DTNA: variants seen among roughly 807,000 people sequenced by gnomAD.
The protein encoded by DTNA is dystrobrevin alpha.
A neutral mutation model predicts 100.7 loss-of-function variants in DTNA; 43 were observed. That is an observed-to-expected ratio of 0.43 (90% CI 0.33 to 0.55). The LOEUF (loss-of-function observed/expected upper bound fraction) is 0.55, where lower values mean the gene tolerates loss of function less well. Among genes scored for constraint, DTNA ranks in the 20% least tolerant of loss-of-function variants. The pLI is 0.04. For synonymous variants in DTNA, 349 were observed against 347.9 expected (o/e 1.00, Z -0.04); for missense variants, 798 against 953.9 (o/e 0.84, Z 2.15).
chr18:34,714,338 C>T (rs1360939398), intron 1 of DTNA, among the ~76,000 whole-genome samples: 2 of 146,932 alleles, frequency 1.4e-5, no homozygotes, highest in African/African-American at 5.1e-5. Context: ...ACTCATCTGA[C>T]AAAGGGCTAA....
At chr18:34,682,808 C>T (rs187501042) in intron 1 of DTNA, among the ~76,000 whole-genome samples, 1 of 151,994 alleles carries the variant, frequency 6.6e-6, no homozygotes, top group African/African-American at 2.4e-5. Context: ...CTTCGCTTGT[C>T]ATTCTCTTCA....
intron 6 of DTNA, 61 bp downstream of exon 6, chr18:34,812,174 A>G (rs2095498642): frequency 3.1e-6 from 5 of 1,607,592 alleles, no homozygotes; most frequent in East Asian, 4.5e-5. Flanking sequence ...CTCCTTCTAG[A>G]TGTCATTCCA....
At chr18:34,531,771 A>C (rs2043165162) in intron 1 of DTNA, among the ~76,000 whole-genome samples, 1 of 152,128 alleles carries the variant, frequency 6.6e-6, no homozygotes, top group Admixed American at 6.6e-5. Context: ...TTTTGGTTTC[A>C]AAACAATTTT....
At chr18:34,812,197 T>A in intron 6 of DTNA, 84 bp downstream of exon 6, 2 of 1,579,926 alleles carry the variant, frequency 1.3e-6, no homozygotes, top group Non-Finnish European at 1.7e-6. Flanking sequence ...TCACAGATAC[T>A]CAGACAAATT....
intron 1 of DTNA, among the ~76,000 whole-genome samples, chr18:34,567,376 T>A (rs1008710341): frequency 6.6e-6 from 1 of 152,214 alleles, no homozygotes; most frequent in African/African-American, 2.4e-5. Flanking sequence ...AAATAAATGA[T>A]GTTATTTAAA....
chr18:34,706,091 G>A (rs2082077333), upstream of DTNA, among the ~76,000 whole-genome samples: 1 of 152,124 alleles, frequency 6.6e-6, no homozygotes, highest in Admixed American at 6.5e-5. Flanking sequence ...GGGATTACAG[G>A]CAATACGCCA....
intron 1 of DTNA, among the ~76,000 whole-genome samples, chr18:34,719,242 G>T (rs1191712528): frequency 1.3e-5 from 2 of 152,102 alleles, no homozygotes; most frequent in East Asian, 1.9e-4. Flanking sequence ...TACTCAGGAG[G>T]CTGAGGCAGG....
At position 34,889,780 on chromosome 18, in the gene DTNA, T is replaced by C; in HGVS notation, c.*2046T>C. On this transcript the variant is annotated 3_prime_UTR_variant, in exon 23 of 23. Transcript: ENST00000444659. ...CTCCAGAGAACTCACCTGACAAATG[T>C]CTCTGAGCACAGGCTGACACCAAAG... is the stretch of plus-strand genomic sequence containing the variant. 1.0e-6 allele frequency: 1 copy of C among 986,954 alleles called. No homozygotes were observed. Among genetic ancestry groups the C allele is most frequent in the Non-Finnish European group, 1.2e-6 (1 of 830,728 alleles). 61.1% of individuals were successfully genotyped at this position (986,954 alleles called of 1,614,324 possible).
chr18:34,495,450 A>C (rs1188023392), intron 1 of DTNA, among the ~76,000 whole-genome samples: 2 of 152,190 alleles, frequency 1.3e-5, no homozygotes, highest in Non-Finnish European at 2.9e-5. Flanking sequence ...CTAAAGCTAT[A>C]TGTTTGTTTG....
At chr18:34,857,885 C>CA (rs1229025740) in intron 15 of DTNA, among the ~76,000 whole-genome samples, 2 of 152,168 alleles carry the variant, frequency 1.3e-5, no homozygotes, top group African/African-American at 2.4e-5. Context: ...TTTACGGTGT[C>CA]AGAGTGTGAT....
chr18:34,551,221 C>T (rs976633122), intron 1 of DTNA, among the ~76,000 whole-genome samples: 4 of 152,138 alleles, frequency 2.6e-5, no homozygotes, highest in Non-Finnish European at 5.9e-5. Context: ...ATTTCCCACT[C>T]AAACTCTTAC....
At chr18:34,581,621 G>GT (rs760995588) in intron 1 of DTNA, among the ~76,000 whole-genome samples, 17,378 of 110,314 alleles carry the variant, frequency 0.16, 1,639 homozygotes, top group African/African-American at 0.3. Context: ...CCCCTAGTTA[G>GT]TTTTTTTTTT....
chr18:34,771,859 C>T (rs1601757944), intron 3 of DTNA, among the ~76,000 whole-genome samples: 1 of 152,238 alleles, frequency 6.6e-6, no homozygotes, highest in East Asian at 1.9e-4. Flanking sequence ...ATCATCTCAG[C>T]CTTTATTTTA....
intron 18 of DTNA, among the ~76,000 whole-genome samples, chr18:34,876,036 GAAT>G (rs2096813438): frequency 6.6e-6 from 1 of 152,092 alleles, no homozygotes; most frequent in African/African-American, 2.4e-5. Context: ...AATTTATAGA[GAAT>G]AATAATAAAA....
intron 1 of DTNA, among the ~76,000 whole-genome samples, chr18:34,668,955 A>T (rs1452918369): frequency 6.6e-6 from 1 of 152,142 alleles, no homozygotes; most frequent in African/African-American, 2.4e-5. Flanking sequence ...CTTGTTGCAG[A>T]GCTGAATTCA....
intron 1 of DTNA, among the ~76,000 whole-genome samples, chr18:34,629,824 T>C (rs1222079449): frequency 6.6e-6 from 1 of 152,180 alleles, no homozygotes; most frequent in Non-Finnish European, 1.5e-5. Flanking sequence ...AACTGACTGC[T>C]GGTCCCGCAA....
rs747237838 is a variant in DTNA at position 34,820,829 on chromosome 18, GTCCCTGAGCTGTGCT to G, written c.919_933del (p.Leu307_Ser311del). 8.1e-6 allele frequency: 13 copies of G among 1,613,964 alleles called. No homozygotes were observed. In the Admixed American group the frequency reaches 1.2e-4, roughly 14 times the overall value. ...AGAAGCTGACTAATGCATTAAGCAA[GTCCCTGAGCTGTGCT>G]TCCAGCCGTGAACCTTTGCACCCCA... is the stretch of plus-strand genomic sequence containing the variant. On this transcript the variant is annotated inframe_deletion, in exon 9 of 23. Coordinates refer to ENST00000444659, the MANE Select transcript of DTNA (RefSeq NM_001386795.1).
At chr18:34,823,677 C>T (rs1188890745) in intron 9 of DTNA, among the ~76,000 whole-genome samples, 1 of 152,226 alleles carries the variant, frequency 6.6e-6, no homozygotes, top group Non-Finnish European at 1.5e-5. Context: ...TGGTCATCCT[C>T]ATTCCCTCTC....
chr18:34,883,789 A>G lies in DTNA; in HGVS notation c.2296-939A>G, dbSNP rs116317845. 5.3e-3 allele frequency among the ~76,000 whole-genome samples: 802 copies of G among 152,334 alleles called. 7 individuals carry two copies. Among genetic ancestry groups the G allele is most frequent in the African/African-American group, 0.018 (758 of 41,576 alleles). ...AGCCCACCAATTCCATCCCAGCAATATAAAAACAAAGTTTTGCCTCTTTGG... is the reference window on the plus strand; with the variant it reads ...AGCCCACCAATTCCATCCCAGCAATGTAAAAACAAAGTTTTGCCTCTTTGG... On this transcript the variant is annotated intron_variant, in intron 21 of 22. Coordinates refer to ENST00000444659, the MANE Select transcript of DTNA (RefSeq NM_001386795.1).
Sources: allele counts gnomAD v4.1 joint callset (sites outside exome capture counted in the v4.1 genomes callset), GRCh38; gene constraint gnomAD v4.1.1; transcripts MANE v1.5; gene names NCBI Gene and HGNC (gene_info 2026-07-23, HGNC 2026-07-21).